ADAMTS10: variants seen among roughly 807,000 people sequenced by gnomAD.
ADAMTS10 encodes the protein A disintegrin and metalloproteinase with thrombospondin motifs 10.
Under a neutral mutation model 135.9 loss-of-function variants are expected in ADAMTS10, and 48 were observed. That is an observed-to-expected ratio of 0.35 (90% CI 0.28 to 0.45). The LOEUF (loss-of-function observed/expected upper bound fraction) is 0.45. Among genes scored for constraint, ADAMTS10 ranks in the 20% least tolerant of loss-of-function variants. The probability of loss-of-function intolerance (pLI) is 1.00; values close to 1 mark genes in which losing one functional copy is unlikely to be tolerated. For missense variants in ADAMTS10, 1,131 were observed against 1,565.2 expected (o/e 0.72, Z 4.68); for synonymous variants, 621 against 647.5 (o/e 0.96, Z 0.62).
Position 8,605,579 on chromosome 19 carries a change from C to T in ADAMTS10, c.88+44G>A. ...CTGTTGGAGCCCAACTGGTCTCTTA[C>T]ATTTTTCGCTCCCTCCCCACCGCCA... On this transcript the variant is annotated intron_variant, in intron 3 of 25. Transcript: ENST00000597188. This position sits in a 1 kb window ranked among gnomAD's most constrained non-coding sequence, Gnocchi z 7.7. The T allele has an allele frequency of 1.3e-6, 2 of 1,594,842 alleles. No individual in the cohort carries two copies. The highest frequency in any genetic ancestry group is 8.5e-7 in the Non-Finnish European group (1 of 1,171,042).
At chr19:8,597,188 C>T (rs1555740466) in intron 7 of ADAMTS10, 46 bp downstream of exon 7, 3 of 1,614,086 alleles carry the variant, frequency 1.9e-6, no homozygotes, top group Non-Finnish European at 2.5e-6. Context: ...GACGGCAGGA[C>T]ATGCTGGTAT....
At chr19:8,591,933 C>T (rs1555739042) in intron 14 of ADAMTS10, 25 bp downstream of exon 14, 2 of 1,611,704 alleles carry the variant, frequency 1.2e-6, no homozygotes, top group Admixed American at 1.7e-5. Context: ...CGCTGCCCTC[C>T]CGGGTGGGGG....
At chr19:8,606,636 C>A (rs1048440539) in intron 2 of ADAMTS10, among the ~76,000 whole-genome samples, 2 of 152,138 alleles carry the variant, frequency 1.3e-5, no homozygotes, top group African/African-American at 4.8e-5. Context: ...CTCCTGACCT[C>A]GCATCACACT....
rs2042684432 is a variant in ADAMTS10, at chr19:8,603,179, G to A, written c.592+549C>T. ...AACACCTTTCTGGCTGTCTTACTCAGTGCTGGGCTAGGTGACTATAGCAGG... is the reference window on the plus strand; with the variant it reads ...AACACCTTTCTGGCTGTCTTACTCAATGCTGGGCTAGGTGACTATAGCAGG... On this transcript the variant is annotated intron_variant, in intron 5 of 25. Transcript: ENST00000597188. Among the ~76,000 whole-genome samples, 4 of 152,304 alleles carry A rather than the reference G, an allele frequency of 2.6e-5. No individual in the cohort carries two copies. The South Asian group carries it at 8.3e-4, about 32-fold the overall frequency.
intron 4 of ADAMTS10, among the ~76,000 whole-genome samples, chr19:8,604,117 C>T (rs923076282): frequency 4.0e-5 from 6 of 151,528 alleles, no homozygotes; most frequent in Non-Finnish European, 7.4e-5. Context: ...GTGGTGCAAT[C>T]GTAGCTCACT....
chr19:8,602,995 T>C (rs1236988239), intron 5 of ADAMTS10, among the ~76,000 whole-genome samples: 1 of 152,186 alleles, frequency 6.6e-6, no homozygotes, highest in African/African-American at 2.4e-5. Flanking sequence ...TCCTTCTCTC[T>C]CATTTCTTAA....
At chr19:8,592,524 C>A (rs971268177) in intron 13 of ADAMTS10, among the ~76,000 whole-genome samples, 13 of 150,394 alleles carry the variant, frequency 8.6e-5, no homozygotes, top group African/African-American at 3.2e-4. Flanking sequence ...GCGTGGCCAA[C>A]GCGGGAGGGA....
rs2042672965 is a variant in ADAMTS10 at position 8,601,880 on chromosome 19, T to A, written c.593-735A>T. On this transcript the variant is annotated intron_variant, in intron 5 of 25. Transcript: ENST00000597188. The surrounding 1 kb of genome is among the most constrained non-coding windows in gnomAD (Gnocchi z 4.6). ...CTACCAGCCTGCCCCGCTGCCCAAA[T>A]GTCCAACTGAACACTTGCATGACTG... Among the ~76,000 whole-genome samples the A allele has an allele frequency of 6.6e-6, 1 of 152,168 alleles. No homozygotes were observed. Among genetic ancestry groups the A allele is most frequent in the South Asian group, 2.1e-4 (1 of 4,828 alleles).
Position 8,586,921 on chromosome 19 carries a change from C to T in ADAMTS10, c.2159-25G>A, listed in dbSNP as rs374055129. 4 of 1,613,644 alleles carry T rather than the reference C, an allele frequency of 2.5e-6. No individual in the cohort carries two copies. In the African/African-American group the frequency reaches 4.0e-5, roughly 16 times the overall value. ...CCTGAACAGCAGAGCTCAGATGTCACCCACTTGGCATGTCCCCAACACCTG... is the reference window on the plus strand; with the variant it reads ...CCTGAACAGCAGAGCTCAGATGTCATCCACTTGGCATGTCCCCAACACCTG... On this transcript the variant is annotated intron_variant, in intron 18 of 25. Transcript: ENST00000597188.
Position 8,586,167 on chromosome 19 carries a change from A to C in ADAMTS10, c.2615T>G (p.Leu872Arg), listed in dbSNP as rs1555737092. 1 of 1,612,326 alleles carries C rather than the reference A, an allele frequency of 6.2e-7. No homozygotes were observed. The highest frequency in any genetic ancestry group is 8.5e-7 in the Non-Finnish European group (1 of 1,179,982). The change falls in exon 22 of 26, where the codon CTG becomes CGG. Residue 872 changes from leucine to arginine, a missense_variant. By Grantham distance (102) the Leu-to-Arg change is moderately radical (BLOSUM62 -2). This residue lies in a region of ADAMTS10 where 745 missense variants were observed against 1,056.3 expected (regional missense o/e 0.71). Transcript: ENST00000597188. ...APHYCSAHSK[L>R]PKRQRACNTE... ...GTTGCAGGCGCGCTGCCTTTTGGGC[A>C]GCTTGCTGTGGGCACTGCAGTAGTG...
rs373472778 is a variant in ADAMTS10, at chr19:8,596,252, T to C, written c.1191-33A>G. The C allele has an allele frequency of 3.1e-6, 5 of 1,613,022 alleles. No individual in the cohort carries two copies. The highest frequency in any genetic ancestry group is 4.2e-6 in the Non-Finnish European group (5 of 1,180,016). The stretch of plus-strand genomic sequence containing the variant: ...AAGGGGTGTCGGCTCTGCCGGGCGC[T>C]GAGGGACCCGCCCAGCTCCTCCCCT... On this transcript the variant is annotated intron_variant, in intron 10 of 25. Coordinates refer to ENST00000597188, the MANE Select transcript of ADAMTS10 (RefSeq NM_030957.4). The surrounding 1 kb of genome is among the most constrained non-coding windows in gnomAD (Gnocchi z 7.2).
At chr19:8,592,157 C>T in intron 13 of ADAMTS10, 54 bp from the exon 14 acceptor site, 2 of 1,612,456 alleles carry the variant, frequency 1.2e-6, no homozygotes, top group South Asian at 1.1e-5. Context: ...CACTCGTCGG[C>T]CCCATGCACC....
At chr19:8,604,444 T>C (rs2042698275) in intron 4 of ADAMTS10, among the ~76,000 whole-genome samples, 3 of 147,720 alleles carry the variant, frequency 2.0e-5, no homozygotes, top group Admixed American at 1.4e-4. Flanking sequence ...CATACACATA[T>C]ATAATTATAT....
chr19:8,603,540 C>G (rs1054041919), intron 5 of ADAMTS10, among the ~76,000 whole-genome samples, 188 bp downstream of exon 5: 1 of 152,164 alleles, frequency 6.6e-6, no homozygotes, highest in Non-Finnish European at 1.5e-5. Context: ...TCCCAAGGTG[C>G]TGGGATTATA....
At position 8,605,685 on chromosome 19, in the gene ADAMTS10, C is replaced by T. The variant is rs782325782; in HGVS notation, c.26G>A (p.Arg9His). 9.3e-6 allele frequency: 15 copies of T among 1,612,278 alleles called. No homozygotes were observed. Among genetic ancestry groups the T allele is most frequent in the Admixed American group, 3.3e-5 (2 of 59,932 alleles). MAPACQIL[R>H]WALALGLGLM... is the part of the protein sequence containing the mutation. ...GCCCAGCCCCAGGGCGAGGGCCCAGCGGAGGATCTGGCAGGCGGGAGCCAT... is the reference window on the plus strand; with the variant it reads ...GCCCAGCCCCAGGGCGAGGGCCCAGTGGAGGATCTGGCAGGCGGGAGCCAT... Residue 9 changes from arginine (R) to histidine (H), a missense_variant, in exon 3 of 26, where the codon CGC (arginine) becomes CAC (histidine). Physicochemically the swap from Arg to His is conservative, Grantham distance 29. Coordinates refer to ENST00000597188, the MANE Select transcript of ADAMTS10 (RefSeq NM_030957.4). This position sits in a 1 kb window ranked among gnomAD's most constrained non-coding sequence, Gnocchi z 7.7.
chr19:8,586,453 C>A lies in ADAMTS10; in HGVS notation c.2421G>T (p.Glu807Asp), dbSNP rs545953920. 18 of 1,613,752 alleles carry A rather than the reference C, an allele frequency of 1.1e-5. No individual in the cohort carries two copies. Among genetic ancestry groups the A allele is most frequent in the African/African-American group, 8.0e-5 (6 of 75,038 alleles). ...TGAAGCGGTAGCGGAGGGCAGGCAG[C>A]TCGGTCCGGGCCAGCACCTGGAGAA... ...SLIVMVLART[E>D]LPALRYRFNA... Residue 807 changes from glutamate (E) to aspartate (D), a missense_variant, in exon 21 of 26, where the codon GAG (glutamate) becomes GAT (aspartate). Around this residue, in one of 3 missense-constraint regions of ADAMTS10, gnomAD observed 745 missense variants for 1,056.3 expected, o/e 0.71. Transcript: ENST00000597188.
rs10420313 is a variant in ADAMTS10 at position 8,586,451 on chromosome 19, A to C, written c.2423T>G (p.Leu808Arg). The change falls in exon 21 of 26, where the codon CTG (leucine) becomes CGG (arginine). Residue 808 changes from leucine (L) to arginine (R), a missense_variant. Physicochemically the swap from Leu to Arg is moderately radical, Grantham distance 102 (BLOSUM62 -2). Coordinates refer to ENST00000597188, the MANE Select transcript of ADAMTS10 (RefSeq NM_030957.4). ...LIVMVLARTE[L>R]PALRYRFNAP... ...ATTGAAGCGGTAGCGGAGGGCAGGC[A>C]GCTCGGTCCGGGCCAGCACCTGGAG... 5.4e-3 allele frequency: 8,700 copies of C among 1,613,800 alleles called. 367 individuals are homozygous for C. In the African/African-American group the frequency reaches 0.094, roughly 17 times the overall value.
At chr19:8,604,160 C>T (rs545750244) in intron 4 of ADAMTS10, among the ~76,000 whole-genome samples, 11 of 151,948 alleles carry the variant, frequency 7.2e-5, no homozygotes, top group Admixed American at 5.9e-4. Flanking sequence ...AAGCGATCCT[C>T]CTGCCTCAGC....
At position 8,586,728 on chromosome 19, in the gene ADAMTS10, G is replaced by T. The variant is rs782324329; in HGVS notation, c.2240-7C>A. ...TCCTGGTCTCCCTTCAGGGCTGGGG[G>T]ACGATGCAGGGTTCAGAATTCTAGT... On this transcript the variant is annotated splice_region_variant and splice_polypyrimidine_tract_variant and intron_variant, in intron 19 of 25. Coordinates refer to ENST00000597188, the MANE Select transcript of ADAMTS10 (RefSeq NM_030957.4). 2.5e-6 allele frequency: 4 copies of T among 1,614,114 alleles called. No individual in the cohort carries two copies. In the South Asian group the frequency reaches 4.4e-5, roughly 18 times the overall value.
Sources: allele counts gnomAD v4.1 joint callset (sites outside exome capture counted in the v4.1 genomes callset), GRCh38; gene constraint gnomAD v4.1.1; regional missense constraint gnomAD v4.1.1; non-coding constraint Gnocchi (gnomAD v3.1); transcripts MANE v1.5; gene names NCBI Gene and HGNC (gene_info 2026-07-23, HGNC 2026-07-21).